The following PLXNA4 variants were observed in gnomAD, a reference collection of about 807,000 sequenced individuals.
PLXNA4 encodes plexin-A4.
Under a neutral mutation model 191.8 loss-of-function variants are expected in PLXNA4, and 44 were observed. The observed-to-expected ratio is 0.23, with a 90% CI of 0.18 to 0.29. The LOEUF is 0.29. PLXNA4 is among the 10% of genes least tolerant of loss of function. PLXNA4 has a pLI of 1.00. For synonymous variants in PLXNA4, 1,082 were observed against 1,009.5 expected (o/e 1.07, Z -1.36); for missense variants, 1,800 against 2,488.8 (o/e 0.72, Z 5.89).
intron 13 of PLXNA4, 44 bp downstream of exon 13, chr7:132,198,441 C>A (rs761496788): frequency 1.3e-6 from 2 of 1,598,178 alleles, no homozygotes; most frequent in Non-Finnish European, 1.7e-6. Flanking sequence ...ACTAACCCGT[C>A]TTCCCTCCCC....
intron 2 of PLXNA4, among the ~76,000 whole-genome samples, chr7:132,505,564 ACATGTATG>A: frequency 6.6e-6 from 1 of 152,306 alleles, no homozygotes; most frequent in Admixed American, 6.5e-5. Flanking sequence ...GGAATTTATT[ACATGTATG>A]CATGTATGGG....
chr7:132,385,367 C>G (rs913812945), intron 3 of PLXNA4: 2 of 1,499,972 alleles, frequency 1.3e-6, no homozygotes, highest in Non-Finnish European at 8.9e-7. Flanking sequence ...CCTTATTCCC[C>G]TCCTCCTTTC....
chr7:132,370,067 CAAAAAAA>C (rs368638967), intron 3 of PLXNA4, among the ~76,000 whole-genome samples: 1 of 111,096 alleles, frequency 9.0e-6, no homozygotes, highest in African/African-American at 3.0e-5. Flanking sequence ...GACTCTGACT[CAAAAAAA>C]AAAAAAAAAA....
intron 1 of PLXNA4, among the ~76,000 whole-genome samples, chr7:132,511,944 G>A (rs1468672513): frequency 1.3e-5 from 2 of 152,216 alleles, no homozygotes; most frequent in Admixed American, 1.3e-4. Flanking sequence ...GTTGAAGACA[G>A]TGTAAGACTG....
chr7:132,221,305 C>T (rs1468405726), intron 9 of PLXNA4, among the ~76,000 whole-genome samples: 2 of 152,226 alleles, frequency 1.3e-5, no homozygotes, highest in East Asian at 3.8e-4. Flanking sequence ...CCTTCAAAAT[C>T]CACCAGCTAG....
chr7:132,183,171 G>A (rs1267524848), intron 16 of PLXNA4, among the ~76,000 whole-genome samples: 1 of 152,114 alleles, frequency 6.6e-6, no homozygotes, highest in African/African-American at 2.4e-5. Context: ...TCTTTATATT[G>A]CCAGTTGCTT....
chr7:132,513,429 G>C (rs954545323), intron 1 of PLXNA4, among the ~76,000 whole-genome samples: 1 of 152,182 alleles, frequency 6.6e-6, no homozygotes, highest in Non-Finnish European at 1.5e-5. Context: ...AACAGGTACA[G>C]CTCTTGGCTA....
At chr7:132,551,796 C>G (rs1489951715) in intron 1 of PLXNA4, among the ~76,000 whole-genome samples, 1 of 152,224 alleles carries the variant, frequency 6.6e-6, no homozygotes, top group South Asian at 2.1e-4. Flanking sequence ...CAAAACTAAT[C>G]CTCTTCACAC....
At chr7:132,487,904 G>A (rs181710514) in intron 3 of PLXNA4, among the ~76,000 whole-genome samples, 37 of 152,296 alleles carry the variant, frequency 2.4e-4, no homozygotes, top group African/African-American at 8.2e-4. Flanking sequence ...TTCACAGAAC[G>A]GAGGTATGAA....
chr7:132,234,485 T>C (rs1319835416), intron 5 of PLXNA4, among the ~76,000 whole-genome samples: 1 of 152,112 alleles, frequency 6.6e-6, no homozygotes, highest in Admixed American at 6.6e-5. Flanking sequence ...GGTATCCAAG[T>C]CAATAGACTG....
chr7:132,188,993 G>GGAGAGAGA (rs1235676896), intron 14 of PLXNA4, among the ~76,000 whole-genome samples: 1 of 35,570 alleles, frequency 2.8e-5, no homozygotes, highest in Non-Finnish European at 4.8e-5. Flanking sequence ...GGAAAGGAAA[G>GGAGAGAGA]GAGAGAGAGA....
intron 3 of PLXNA4, among the ~76,000 whole-genome samples, chr7:132,420,630 G>T (rs1453120061): frequency 6.6e-6 from 1 of 152,188 alleles, no homozygotes; most frequent in African/African-American, 2.4e-5. Flanking sequence ...AGAGTTAAGT[G>T]GTGTTAAGAA....
intron 4 of PLXNA4, among the ~76,000 whole-genome samples, chr7:132,245,633 T>G (rs1409663554): frequency 1.3e-5 from 2 of 152,180 alleles, no homozygotes; most frequent in Non-Finnish European, 2.9e-5. Flanking sequence ...ATTTGCACAC[T>G]CAGGTTCATA....
At chr7:132,204,976 G>A (rs572674655) in intron 10 of PLXNA4, among the ~76,000 whole-genome samples, 11 of 152,184 alleles carry the variant, frequency 7.2e-5, no homozygotes, top group South Asian at 4.1e-4. Context: ...CAGGGCCAGA[G>A]AGCTAGGTTC....
intron 1 of PLXNA4, among the ~76,000 whole-genome samples, chr7:132,648,200 CAT>C (rs772035241): frequency 5.4e-4 from 82 of 152,138 alleles, no homozygotes; most frequent in Non-Finnish European, 1.1e-3. Context: ...GTCACACACA[CAT>C]ATGCATACAC....
At chr7:132,255,672 A>C (rs1799407170) in intron 4 of PLXNA4, among the ~76,000 whole-genome samples, 1 of 151,910 alleles carries the variant, frequency 6.6e-6, no homozygotes, top group Non-Finnish European at 1.5e-5. Context: ...CTGACCACTG[A>C]CTCCACTGGG....
intron 3 of PLXNA4, chr7:132,385,319 G>C (rs1326642489): frequency 6.3e-7 from 1 of 1,598,926 alleles, no homozygotes; most frequent in Non-Finnish European, 8.5e-7. Context: ...AACCTTAGCA[G>C]ACTTAGACCA....
chr7:132,262,988 G>C (rs1296855487), intron 4 of PLXNA4, among the ~76,000 whole-genome samples: 1 of 152,156 alleles, frequency 6.6e-6, no homozygotes. Context: ...CTCTTACTAG[G>C]GGGGTTGAAG....
chr7:132,589,136 G>A (rs1051673944), intron 2 of PLXNA4, among the ~76,000 whole-genome samples: 4 of 152,186 alleles, frequency 2.6e-5, no homozygotes. Flanking sequence ...CTATGCTGCA[G>A]ATCAAAGTTG....
Sources: allele counts gnomAD v4.1 joint callset (sites outside exome capture counted in the v4.1 genomes callset), GRCh38; gene constraint gnomAD v4.1.1; transcripts MANE v1.5; gene names NCBI Gene and HGNC (gene_info 2026-07-23, HGNC 2026-07-21).